Variants in MB21D2 observed in about 807,000 individuals in gnomAD.
MB21D2 encodes nucleotidyltransferase MB21D2.
A neutral mutation model predicts 33.3 loss-of-function variants in MB21D2; 9 were observed. The observed-to-expected ratio is 0.27, with a 90% confidence interval of 0.16 to 0.47. The LOEUF (loss-of-function observed/expected upper bound fraction) is 0.47, where lower values mean the gene tolerates loss of function less well. MB21D2 is among the 20% of genes least tolerant of loss of function. The pLI is 0.99. For synonymous variants in MB21D2, 241 were observed against 236.3 expected (o/e 1.02, Z -0.18); for missense variants, 540 against 624.6 (o/e 0.86, Z 1.44).
intron 1 of MB21D2, among the ~76,000 whole-genome samples, chr3:192,833,409 C>A (rs891640183): frequency 3.3e-5 from 5 of 152,164 alleles, no homozygotes; most frequent in African/African-American, 1.2e-4. Flanking sequence ...CATTAAAAAT[C>A]TTTTTTCTGC....
intron 1 of MB21D2, among the ~76,000 whole-genome samples, chr3:192,834,797 G>C (rs1712397158): frequency 6.7e-6 from 1 of 149,902 alleles, no homozygotes; most frequent in Non-Finnish European, 1.5e-5. Flanking sequence ...ACAGATGTTT[G>C]AGAGGATTGT....
chr3:192,880,637 C>T (rs1713540148), intron 1 of MB21D2, among the ~76,000 whole-genome samples: 1 of 152,058 alleles, frequency 6.6e-6, no homozygotes, highest in Non-Finnish European at 1.5e-5. Context: ...GACGGACTCT[C>T]AAGGAGCTGA....
At chr3:192,899,400 A>G (rs2133861) in intron 1 of MB21D2, among the ~76,000 whole-genome samples, 78,158 of 151,896 alleles carry the variant, frequency 0.51, 20,254 homozygotes, top group South Asian at 0.53. Flanking sequence ...ATGGTGGCGG[A>G]CGCCTGTAAT....
At chr3:192,886,247 C>T (rs1000294353) in intron 1 of MB21D2, among the ~76,000 whole-genome samples, 5 of 152,080 alleles carry the variant, frequency 3.3e-5, no homozygotes, top group Non-Finnish European at 5.9e-5. Context: ...CGTGAGTCAC[C>T]GCACCTGGTC....
At chr3:192,823,306 A>G (rs552847914) in intron 1 of MB21D2, among the ~76,000 whole-genome samples, 225 of 152,336 alleles carry the variant, frequency 1.5e-3, no homozygotes, top group African/African-American at 5.2e-3. Context: ...GACAATCTCT[A>G]TAATGACTTG....
At position 192,884,159 on chromosome 3, in the gene MB21D2, T is replaced by C. The variant is rs566032522; in HGVS notation, c.211+33471A>G. On this transcript the variant is annotated intron_variant, in intron 1 of 1. Coordinates refer to ENST00000392452, the MANE Select transcript of MB21D2 (RefSeq NM_178496.4). ...TCAAAGTTAGGGTCCAGTGTTGACG[T>C]GGTGATGTAAAACTGCATTTTCCTG... 7.9e-4 allele frequency among the ~76,000 whole-genome samples: 120 copies of C among 152,212 alleles called. 1 individual carries two copies. The highest frequency in any genetic ancestry group is 2.7e-3 in the African/African-American group (111 of 41,474).
intron 1 of MB21D2, among the ~76,000 whole-genome samples, chr3:192,850,643 C>T (rs552547174): frequency 1.3e-4 from 20 of 152,332 alleles, no homozygotes; most frequent in Non-Finnish European, 2.2e-4. Flanking sequence ...CAGCCCTGCA[C>T]GCTGCCGAAT....
chr3:192,878,081 C>CTTTTTTTTTTTTTTTTTTTGTTTTTT (rs1713475654), intron 1 of MB21D2, among the ~76,000 whole-genome samples: 1 of 119,532 alleles, frequency 8.4e-6, no homozygotes, highest in East Asian at 2.7e-4. Context: ...AATTCCTCCT[C>CTTTTTTTTTTTTTTTTTTTGTTTTTT]TTTTTTTTTT....
intron 1 of MB21D2, among the ~76,000 whole-genome samples, chr3:192,827,985 A>C: frequency 6.6e-6 from 1 of 152,046 alleles, no homozygotes; most frequent in East Asian, 1.9e-4. Flanking sequence ...AATAAGTCTC[A>C]TGAGATCTGA....
Position 192,798,827 on chromosome 3 carries a change from G to C in MB21D2, c.1035C>G (p.Ala345=), listed in dbSNP as rs751590457. ...MMLWACDRLP[A]NYLAQEDYAA... The stretch of plus-strand genomic sequence containing the variant: ...CATAGTCTTCTTGAGCCAAGTAGTT[G>C]GCAGGAAGTCTGTCGCAGGCCCAGA... Residue 345 remains alanine (A), a synonymous_variant, in exon 2 of 2, where the codon GCC becomes GCG. Coordinates refer to ENST00000392452, the MANE Select transcript of MB21D2 (RefSeq NM_178496.4). This position sits in a 1 kb window ranked among gnomAD's most constrained non-coding sequence, Gnocchi z 4.8. The C allele has an allele frequency of 2.5e-6, 4 of 1,611,914 alleles. No homozygotes were observed. The highest frequency in any genetic ancestry group is 1.6e-4 in the Middle Eastern group (1 of 6,080).
intron 1 of MB21D2, among the ~76,000 whole-genome samples, chr3:192,863,522 C>T (rs1256000581): frequency 6.6e-6 from 1 of 152,168 alleles, no homozygotes; most frequent in Non-Finnish European, 1.5e-5. Context: ...CTCATTCATA[C>T]ACTTATTAAA....
chr3:192,875,233 C>G (rs1471990234), intron 1 of MB21D2, among the ~76,000 whole-genome samples: 1 of 152,038 alleles, frequency 6.6e-6, no homozygotes, highest in Non-Finnish European at 1.5e-5. Flanking sequence ...CAGCCATTCC[C>G]CTACTCTCCA....
intron 1 of MB21D2, among the ~76,000 whole-genome samples, chr3:192,890,282 T>A (rs984705099): frequency 6.6e-6 from 1 of 152,060 alleles, no homozygotes; most frequent in Non-Finnish European, 1.5e-5. Context: ...TTTGCACTGA[T>A]CACAGATGCC....
At position 192,842,589 on chromosome 3, in the gene MB21D2, A is replaced by G. The variant is rs190736908; in HGVS notation, c.212-42939T>C. 3.3e-5 allele frequency among the ~76,000 whole-genome samples: 5 copies of G among 152,374 alleles called. No homozygotes were observed. The East Asian group carries it at 9.6e-4, about 29-fold the overall frequency. On this transcript the variant is annotated intron_variant, in intron 1 of 1. Transcript: ENST00000392452. ...TTTAATAAAATGAAGCCAACTAATA[A>G]TAATGATAATAAAAGAGAACACATG...
Position 192,797,595 on chromosome 3 carries a change from T to C in MB21D2, c.*791A>G, listed in dbSNP as rs921743957. The C allele has an allele frequency of 2.0e-5, 3 of 152,640 alleles. No homozygotes were observed. Among genetic ancestry groups the C allele is most frequent in the African/African-American group, 7.2e-5 (3 of 41,456 alleles). 9.5% of individuals were successfully genotyped at this position (152,640 alleles called of 1,614,324 possible). ...TTGTTAATTTATATTGAAACACACT[T>C]TGCAATTCTGACAATGGCAAAGATT... On this transcript the variant is annotated 3_prime_UTR_variant, in exon 2 of 2. Transcript: ENST00000392452.
rs747575666 is a variant in MB21D2 at position 192,798,635 on chromosome 3, C to A, written c.1227G>T (p.Glu409Asp). Residue 409 changes from glutamate to aspartate, a missense_variant, in exon 2 of 2, where the codon GAG becomes GAT. Coordinates refer to ENST00000392452, the MANE Select transcript of MB21D2 (RefSeq NM_178496.4). This position sits in a 1 kb window ranked among gnomAD's most constrained non-coding sequence, Gnocchi z 4.8. ...KLSSVRSDPA[E>D]HLRTAIEHVK... ...CATGCTCAATGGCGGTGCGCAAGTG[C>A]TCTGCCGGGTCTGAGCGCACAGAGG... 7.4e-6 allele frequency: 12 copies of A among 1,613,874 alleles called. No homozygotes were observed. Among genetic ancestry groups the A allele is most frequent in the East Asian group, 4.5e-5 (2 of 44,868 alleles).
chr3:192,810,971 C>T (rs1469176727), intron 1 of MB21D2, among the ~76,000 whole-genome samples: 1 of 152,208 alleles, frequency 6.6e-6, no homozygotes, highest in Non-Finnish European at 1.5e-5. Flanking sequence ...GGTTCACTTG[C>T]AGCTGTGACA....
chr3:192,819,719 G>A (rs551925298), intron 1 of MB21D2, among the ~76,000 whole-genome samples: 1 of 152,260 alleles, frequency 6.6e-6, no homozygotes, highest in Admixed American at 6.5e-5. Context: ...CTGCTGGAGT[G>A]GTCCCCAAGT....
At chr3:192,914,739 CAGAG>C (rs200379944) in intron 1 of MB21D2, among the ~76,000 whole-genome samples, 2,045 of 152,180 alleles carry the variant, frequency 0.013, 41 homozygotes, top group African/African-American at 0.047. Context: ...TCTGTACAAA[CAGAG>C]AGCATCAGGA....
Sources: gnomAD v4.1 joint callset for allele counts (sites outside exome capture counted in the v4.1 genomes callset) on GRCh38, gnomAD v4.1.1 for gene constraint, Gnocchi (gnomAD v3.1) non-coding constraint, MANE v1.5 for transcripts, NCBI Gene and HGNC (gene_info 2026-07-23, HGNC 2026-07-21) for gene names.